The following SPAG16 variants were observed in gnomAD, a reference collection of about 807,000 sequenced individuals.
The protein encoded by SPAG16 is sperm associated antigen 16.
A neutral mutation model predicts 80.4 loss-of-function variants in SPAG16; 86 were observed. The observed-to-expected ratio is 1.07, with a 90% CI of 0.90 to 1.28. SPAG16 has a LOEUF of 1.28. Ranked by LOEUF, SPAG16 falls within the 50% of genes most tolerant of loss-of-function variation. SPAG16 has a pLI of 0.00. For missense variants in SPAG16, 870 were observed against 765.3 expected, an observed-to-expected ratio of 1.14 and a Z score of -1.61; for synonymous variants, 294 against 265.9, an observed-to-expected ratio of 1.11 and a Z score of -1.03.
At chr2:214,091,915 A>G (rs952479597) in intron 13 of SPAG16, among the ~76,000 whole-genome samples, 1 of 152,064 alleles carries the variant, frequency 6.6e-6, no homozygotes, top group African/African-American at 2.4e-5. Context: ...AAAAGAAAAA[A>G]CATTTCCAAG....
At chr2:214,158,760 G>A (rs904937624) in intron 15 of SPAG16, among the ~76,000 whole-genome samples, 8 of 151,838 alleles carry the variant, frequency 5.3e-5, no homozygotes, top group Non-Finnish European at 8.8e-5. Flanking sequence ...TAATTGGAAC[G>A]CTATAGGTAT....
intron 6 of SPAG16, among the ~76,000 whole-genome samples, chr2:213,344,195 C>G (rs771314457): frequency 1.4e-4 from 21 of 151,968 alleles, no homozygotes; most frequent in Admixed American, 2.6e-4. Flanking sequence ...AATTAAATAG[C>G]CAGGGGTAAT....
chr2:213,671,833 C>G (rs2063822428), intron 10 of SPAG16, among the ~76,000 whole-genome samples: 1 of 152,072 alleles, frequency 6.6e-6, no homozygotes, highest in Non-Finnish European at 1.5e-5. Flanking sequence ...GATGTCATCT[C>G]CAGGATATCA....
intron 10 of SPAG16, among the ~76,000 whole-genome samples, chr2:213,815,867 T>G (rs1054806662): frequency 2.6e-5 from 4 of 152,184 alleles, no homozygotes; most frequent in Admixed American, 6.5e-5. Flanking sequence ...TAAATTTACA[T>G]GATATTGACT....
At chr2:214,388,003 A>C (rs1318769936) in intron 15 of SPAG16, among the ~76,000 whole-genome samples, 3 of 152,114 alleles carry the variant, frequency 2.0e-5, no homozygotes, top group Non-Finnish European at 4.4e-5. Flanking sequence ...AATACCTACT[A>C]TTGCTATATT....
chr2:214,377,137 A>T (rs1289539361), intron 15 of SPAG16, among the ~76,000 whole-genome samples: 1 of 152,158 alleles, frequency 6.6e-6, no homozygotes, highest in Admixed American at 6.6e-5. Context: ...TTTCCACTTA[A>T]AACACCATGT....
At chr2:213,678,827 C>T (rs1444284479) in intron 10 of SPAG16, among the ~76,000 whole-genome samples, 2 of 152,132 alleles carry the variant, frequency 1.3e-5, no homozygotes, top group Non-Finnish European at 2.9e-5. Context: ...CAGAGACTTG[C>T]TGTTTGGAAC....
chr2:214,215,098 A>G (rs1316061993), intron 15 of SPAG16, among the ~76,000 whole-genome samples: 1 of 152,106 alleles, frequency 6.6e-6, no homozygotes, highest in Non-Finnish European at 1.5e-5. Context: ...TTTGTTCCAG[A>G]AAAAGACATT....
chr2:214,134,678 TG>T (rs2054954803), intron 14 of SPAG16, among the ~76,000 whole-genome samples: 1 of 152,172 alleles, frequency 6.6e-6, no homozygotes, highest in Admixed American at 6.5e-5. Context: ...AATCTTCACT[TG>T]TTTTTCAGGA....
At chr2:213,628,399 C>T (rs1330933601) in intron 10 of SPAG16, among the ~76,000 whole-genome samples, 2 of 152,134 alleles carry the variant, frequency 1.3e-5, no homozygotes, top group Non-Finnish European at 2.9e-5. Context: ...TGGTCCTTTG[C>T]AATTTTTATG....
chr2:214,133,219 C>G (rs961983902), intron 14 of SPAG16, among the ~76,000 whole-genome samples: 3 of 151,960 alleles, frequency 2.0e-5, no homozygotes, highest in Admixed American at 1.3e-4. Context: ...GGGGCTATTT[C>G]GTGCATTATA....
chr2:213,815,756 A>C (rs562802832), intron 10 of SPAG16, among the ~76,000 whole-genome samples: 27 of 152,140 alleles, frequency 1.8e-4, no homozygotes, highest in Non-Finnish European at 2.6e-4. Flanking sequence ...TTAAAATATT[A>C]GATATGTTCA....
intron 9 of SPAG16, chr2:213,396,551 G>A (rs1340721010): frequency 1.6e-5 from 7 of 427,376 alleles, no homozygotes; most frequent in Admixed American, 1.0e-4. Flanking sequence ...AGCTCAGTGC[G>A]AGAACAGCCC....
chr2:213,422,228 G>C (rs1192431816), intron 9 of SPAG16: 1 of 701,768 alleles, frequency 1.4e-6, no homozygotes, highest in African/African-American at 1.7e-5. Context: ...CTTTGGGGCT[G>C]TGCAGTTTCA....
At chr2:213,878,887 C>T (rs2076240590) in intron 11 of SPAG16, among the ~76,000 whole-genome samples, 1 of 152,086 alleles carries the variant, frequency 6.6e-6, no homozygotes, top group Admixed American at 6.6e-5. Context: ...TTTCCCAGCA[C>T]CATTTTTGAA....
At chr2:214,012,278 A>ATTTTTTTTT (rs1559689715) in intron 12 of SPAG16, among the ~76,000 whole-genome samples, 1 of 45,086 alleles carries the variant, frequency 2.2e-5, no homozygotes, top group Non-Finnish European at 4.1e-5. Flanking sequence ...ATATATATAT[A>ATTTTTTTTT]TATATATATA....
chr2:214,344,267 C>T (rs369106980), intron 15 of SPAG16, among the ~76,000 whole-genome samples: 22 of 152,186 alleles, frequency 1.4e-4, no homozygotes, highest in African/African-American at 5.3e-4. Context: ...TTTTTAAAAT[C>T]AGAAAGTCAT....
Position 213,932,117 on chromosome 2 carries a change from G to C in SPAG16, c.1400+1972G>C, listed in dbSNP as rs183790953. On this transcript the variant is annotated intron_variant, in intron 12 of 15. Coordinates refer to ENST00000331683, the MANE Select transcript of SPAG16 (RefSeq NM_024532.5). ...GATGGATGGTGCTGGAGCTATGTAT[G>C]CTGTGTCATATATTCTTGGCTTGAT... 2.8e-5 allele frequency among the ~76,000 whole-genome samples: 4 copies of C among 141,650 alleles called. No individual in the cohort carries two copies. In the Admixed American group the frequency reaches 2.9e-4, roughly 10 times the overall value. The allele number at this position is 141,650 out of a possible 152,430, so 92.9% of individuals were successfully genotyped here.
intron 11 of SPAG16, among the ~76,000 whole-genome samples, chr2:213,923,062 C>A (rs1483490495): frequency 6.6e-6 from 1 of 152,074 alleles, no homozygotes; most frequent in East Asian, 1.9e-4. Context: ...AGTGGAGTTG[C>A]CTACCCTGAC....
Sources: allele counts gnomAD v4.1 joint callset (sites outside exome capture counted in the v4.1 genomes callset), GRCh38; gene constraint gnomAD v4.1.1; transcripts MANE v1.5; gene names NCBI Gene and HGNC (gene_info 2026-07-23, HGNC 2026-07-21).